The following RFX4 variants were observed in gnomAD, a reference collection of about 807,000 sequenced individuals.
RFX4 encodes transcription factor RFX4.
In RFX4, 10 loss-of-function variants were observed where a neutral mutation model predicts 95.0. The observed-to-expected ratio is 0.11, with a 90% CI of 0.06 to 0.18. The LOEUF is 0.18. Among genes scored for constraint, RFX4 ranks in the 10% least tolerant of loss-of-function variants. RFX4 has a pLI of 1.00. For missense variants in RFX4, 640 were observed against 922.0 expected (o/e 0.69, Z 3.96); for synonymous variants, 321 against 340.7 (o/e 0.94, Z 0.64).
intron 10 of RFX4, among the ~76,000 whole-genome samples, chr12:106,711,949 CA>C (rs1421923787): frequency 6.6e-6 from 1 of 152,126 alleles, no homozygotes; most frequent in Non-Finnish European, 1.5e-5. Flanking sequence ...TGCTTGCTTT[CA>C]AAAACATTTA....
rs2041895050 is a variant in RFX4, at chr12:106,697,093, C to T, written c.833+647C>T. On this transcript the variant is annotated intron_variant, in intron 8 of 17. Transcript: ENST00000392842. ...AGATTGTGTTGAGCTGGCTGGGTTC[C>T]TTCACTGGGCTGTGTTCCCTTCCAA... Among the ~76,000 whole-genome samples the T allele has an allele frequency of 2.0e-5, 3 of 152,126 alleles. No individual in the cohort carries two copies. The South Asian group carries it at 6.2e-4, about 32-fold the overall frequency.
intron 16 of RFX4, among the ~76,000 whole-genome samples, chr12:106,750,253 G>A (rs2042974514): frequency 6.6e-6 from 1 of 152,120 alleles, no homozygotes; most frequent in Non-Finnish European, 1.5e-5. Context: ...AAGGTGGGTG[G>A]ATCACCTGAT....
intron 2 of RFX4, among the ~76,000 whole-genome samples, chr12:106,633,573 G>A (rs771269211): frequency 2.0e-5 from 3 of 152,148 alleles, no homozygotes; most frequent in Non-Finnish European, 2.9e-5. Flanking sequence ...TGTGACAGAA[G>A]TTATGATTCA....
At chr12:106,718,736 C>T (rs1168285511) in intron 11 of RFX4, among the ~76,000 whole-genome samples, 1 of 152,118 alleles carries the variant, frequency 6.6e-6, no homozygotes, top group Non-Finnish European at 1.5e-5. Flanking sequence ...TACAGAAACA[C>T]AAAAATGTGA....
chr12:106,624,450 G>T (rs928656982), intron 2 of RFX4, among the ~76,000 whole-genome samples: 4 of 152,072 alleles, frequency 2.6e-5, no homozygotes, highest in African/African-American at 9.6e-5. Flanking sequence ...TCAGCCTTCC[G>T]AGCAGCTGGG....
intron 14 of RFX4, 104 bp from the exon 15 acceptor site, chr12:106,732,820 G>A: frequency 8.8e-7 from 1 of 1,136,744 alleles, no homozygotes; most frequent in South Asian, 1.7e-5. Context: ...TTTGACAAGA[G>A]AGTGACATCA....
At chr12:106,651,150 A>G (rs2040849758) in intron 3 of RFX4, among the ~76,000 whole-genome samples, 1 of 152,088 alleles carries the variant, frequency 6.6e-6, no homozygotes, top group South Asian at 2.1e-4. Flanking sequence ...CTTTACTCAG[A>G]TCAGCATCTC....
At chr12:106,680,261 C>A (rs1340193451) in intron 4 of RFX4, among the ~76,000 whole-genome samples, 2 of 152,140 alleles carry the variant, frequency 1.3e-5, no homozygotes, top group African/African-American at 2.4e-5. Context: ...GTGGTCAGCT[C>A]CCCAGTGTAG....
chr12:106,687,180 T>TCACACA (rs1186614190), intron 6 of RFX4, 83 bp downstream of exon 6: 4 of 682,166 alleles, frequency 5.9e-6, no homozygotes, highest in African/African-American at 5.3e-5. Flanking sequence ...TCTCTCTCTC[T>TCACACA]CTCACACACA....
chr12:106,681,946 C>T (rs2041523587), intron 4 of RFX4, 47 bp from the exon 5 acceptor site: 5 of 1,599,802 alleles, frequency 3.1e-6, no homozygotes, highest in Non-Finnish European at 4.3e-6. Flanking sequence ...AGTCACTATG[C>T]TCCCAACTCT....
intron 4 of RFX4, among the ~76,000 whole-genome samples, chr12:106,661,980 G>T (rs2041084161): frequency 1.3e-5 from 2 of 151,472 alleles, no homozygotes; most frequent in African/African-American, 2.4e-5. Context: ...GGATATTTTG[G>T]TTTCTTCCCA....
At position 106,715,554 on chromosome 12, in the gene RFX4, C is replaced by T; in HGVS notation, c.1138+10C>T. ...AAACTCATCACCCAATGTAAGCTGT[C>T]CCACCAGGGATTGTTGTCCTGTTTT... On this transcript the variant is annotated intron_variant, in intron 11 of 17. Transcript: ENST00000392842. The T allele has an allele frequency of 6.2e-7, 1 of 1,612,490 alleles. No homozygotes were observed. The highest frequency in any genetic ancestry group is 8.5e-7 in the Non-Finnish European group (1 of 1,179,330).
At chr12:106,677,380 G>A (rs2041413912) in intron 4 of RFX4, among the ~76,000 whole-genome samples, 1 of 152,074 alleles carries the variant, frequency 6.6e-6, no homozygotes, top group Non-Finnish European at 1.5e-5. Context: ...CATAAGCCTG[G>A]AGCTCTGGGG....
intron 1 of RFX4, among the ~76,000 whole-genome samples, chr12:106,605,892 T>C (rs2039821360): frequency 6.6e-6 from 1 of 152,116 alleles, no homozygotes; most frequent in Admixed American, 6.5e-5. Flanking sequence ...ATGGGTGAGA[T>C]GTCTTCTCTT....
chr12:106,642,530 C>T (rs1195191374), intron 3 of RFX4, among the ~76,000 whole-genome samples: 1 of 151,984 alleles, frequency 6.6e-6, no homozygotes, highest in African/African-American at 2.4e-5. Flanking sequence ...ACAGGAGTAT[C>T]GCTTGAGCCT....
At chr12:106,626,763 C>A (rs1025096247) in intron 2 of RFX4, among the ~76,000 whole-genome samples, 4 of 152,152 alleles carry the variant, frequency 2.6e-5, no homozygotes, top group African/African-American at 9.7e-5. Context: ...CAATGGGATT[C>A]TTTGGGATTC....
intron 2 of RFX4, among the ~76,000 whole-genome samples, chr12:106,616,497 G>T (rs1373062689): frequency 6.6e-6 from 1 of 152,108 alleles, no homozygotes; most frequent in Non-Finnish European, 1.5e-5. Context: ...GGGGTAGGAA[G>T]TTTCCTATGT....
chr12:106,741,620 T>G (rs995268217), intron 15 of RFX4, among the ~76,000 whole-genome samples: 11 of 152,162 alleles, frequency 7.2e-5, no homozygotes, highest in Non-Finnish European at 1.0e-4. Context: ...GCAGAGCAGC[T>G]CTAGAATCTT....
chr12:106,721,498 C>T (rs1008963790), intron 13 of RFX4, among the ~76,000 whole-genome samples: 6 of 152,120 alleles, frequency 3.9e-5, no homozygotes, highest in Non-Finnish European at 8.8e-5. Context: ...ACAGTCTCTG[C>T]GGGCAGCAAC....
Sources: allele counts gnomAD v4.1 joint callset (sites outside exome capture counted in the v4.1 genomes callset), GRCh38; gene constraint gnomAD v4.1.1; transcripts MANE v1.5; gene names NCBI Gene and HGNC (gene_info 2026-07-23, HGNC 2026-07-21).